Variants in MAML2 observed in about 807,000 individuals in gnomAD.
MAML2 encodes mastermind-like protein 2.
In MAML2, 22 loss-of-function variants were observed where a neutral mutation model predicts 96.1. That is an observed-to-expected ratio of 0.23 (90% CI 0.16 to 0.33). The LOEUF is 0.33. MAML2 is among the 10% of genes least tolerant of loss of function. The pLI is 1.00. For synonymous variants in MAML2, 561 were observed against 521.3 expected (o/e 1.08, Z -1.04); for missense variants, 1,367 against 1,392.4 (o/e 0.98, Z 0.29).
chr11:96,242,940 A>G (rs1862456753), intron 1 of MAML2, among the ~76,000 whole-genome samples: 3 of 152,186 alleles, frequency 2.0e-5, no homozygotes, highest in South Asian at 4.1e-4. Flanking sequence ...CATTACTGGC[A>G]GGAAACTTTA....
At chr11:96,319,590 T>C (rs1429408628) in intron 1 of MAML2, among the ~76,000 whole-genome samples, 1 of 152,208 alleles carries the variant, frequency 6.6e-6, no homozygotes, top group Admixed American at 6.5e-5. Context: ...GATATATTTT[T>C]ATGTCTTGCT....
chr11:96,011,383 A>T (rs893817267), intron 2 of MAML2, among the ~76,000 whole-genome samples: 5 of 152,262 alleles, frequency 3.3e-5, no homozygotes, highest in African/African-American at 1.2e-4. Flanking sequence ...AATACTACAT[A>T]GCCATAAAAA....
rs376640313 is a variant in MAML2 at position 96,030,447 on chromosome 11, A to G, written c.2140-38724T>C. 9.2e-5 allele frequency among the ~76,000 whole-genome samples: 14 copies of G among 152,308 alleles called. No individual in the cohort carries two copies. The East Asian group carries it at 1.9e-3, about 21-fold the overall frequency. ...GGAGTCCAGAAACAGACTCACAAAT[A>G]TAAGGAAAATTGTTATATAAGAATA... On this transcript the variant is annotated intron_variant, in intron 2 of 4. Transcript: ENST00000524717.
At chr11:96,274,626 TATTA>T (rs72300732) in intron 1 of MAML2, among the ~76,000 whole-genome samples, 28,967 of 152,060 alleles carry the variant, frequency 0.19, 3,073 homozygotes, top group East Asian at 0.4. Flanking sequence ...TAGTTAAACC[TATTA>T]ATTAATTAAA....
At chr11:96,171,020 CTT>C (rs879407774) in intron 1 of MAML2, among the ~76,000 whole-genome samples, 4 of 146,570 alleles carry the variant, frequency 2.7e-5, no homozygotes, top group Non-Finnish European at 6.1e-5. Context: ...CTGGCCTCTA[CTT>C]TTTTTTTTTT....
chr11:96,071,641 G>C (rs1859345733), intron 2 of MAML2, among the ~76,000 whole-genome samples: 1 of 152,244 alleles, frequency 6.6e-6, no homozygotes, highest in Admixed American at 6.5e-5. Flanking sequence ...TAACCTGTGA[G>C]AATCTGGTCT....
rs565166811 is a variant in MAML2 at position 96,155,271 on chromosome 11, C to T, written c.514-61754G>A. Among the ~76,000 whole-genome samples the T allele has an allele frequency of 5.9e-5, 9 of 151,784 alleles. No homozygotes were observed. The South Asian group carries it at 1.9e-3, about 32-fold the overall frequency. ...AGAAAGGATAGTATCCAAGCTGGGC[C>T]AGAAAGGGTGAAGAGAATGCATCAG... On this transcript the variant is annotated intron_variant, in intron 1 of 4. Coordinates refer to ENST00000524717, the MANE Select transcript of MAML2 (RefSeq NM_032427.4).
At chr11:96,053,189 G>A (rs1042602921) in intron 2 of MAML2, among the ~76,000 whole-genome samples, 2 of 152,158 alleles carry the variant, frequency 1.3e-5, no homozygotes, top group African/African-American at 4.8e-5. Flanking sequence ...TTAGAAAAAG[G>A]AATATTGATT....
At chr11:96,197,555 C>T (rs1312123973) in intron 1 of MAML2, among the ~76,000 whole-genome samples, 2 of 152,152 alleles carry the variant, frequency 1.3e-5, no homozygotes, top group African/African-American at 2.4e-5. Context: ...TCTCATTTCT[C>T]GTATCTTTAT....
At chr11:96,149,506 T>A (rs1225797835) in intron 1 of MAML2, among the ~76,000 whole-genome samples, 2 of 149,898 alleles carry the variant, frequency 1.3e-5, no homozygotes, top group Non-Finnish European at 3.0e-5. Flanking sequence ...CCGAGGCAGA[T>A]GGATCATTTG....
At chr11:96,298,937 C>T (rs1233238213) in intron 1 of MAML2, among the ~76,000 whole-genome samples, 5 of 144,542 alleles carry the variant, frequency 3.5e-5, no homozygotes, top group South Asian at 2.2e-4. Context: ...CCCAGCTACT[C>T]GGGAGGCTGA....
chr11:96,281,536 A>G (rs1863065276), intron 1 of MAML2, among the ~76,000 whole-genome samples: 2 of 152,012 alleles, frequency 1.3e-5, no homozygotes, highest in Admixed American at 1.3e-4. Context: ...GAAAAGGAAT[A>G]ATAGTTTTTT....
chr11:96,305,254 C>G (rs1863447919), intron 1 of MAML2, among the ~76,000 whole-genome samples: 1 of 152,110 alleles, frequency 6.6e-6, no homozygotes, highest in Admixed American at 6.6e-5. Context: ...CAGTAAAATA[C>G]TCTATGATAA....
Position 96,214,180 on chromosome 11 carries a change from G to C in MAML2, c.514-120663C>G, listed in dbSNP as rs112025965. Among the ~76,000 whole-genome samples, 947 of 152,294 alleles carry C rather than the reference G, an allele frequency of 6.2e-3. 11 individuals are homozygous for C. The highest frequency in any genetic ancestry group is 0.021 in the African/African-American group (856 of 41,568). The stretch of plus-strand genomic sequence containing the variant: ...TAATATATGTGCAGTTTTAACAGTT[G>C]AATAATAAAAAATGAATACTTCCTT... On this transcript the variant is annotated intron_variant, in intron 1 of 4. Coordinates refer to ENST00000524717, the MANE Select transcript of MAML2 (RefSeq NM_032427.4).
At chr11:96,014,005 C>T (rs935277991) in intron 2 of MAML2, among the ~76,000 whole-genome samples, 3 of 152,074 alleles carry the variant, frequency 2.0e-5, no homozygotes, top group South Asian at 2.1e-4. Flanking sequence ...TAACACATGC[C>T]CACTGGGGCT....
chr11:96,061,496 C>T (rs946461919), intron 2 of MAML2, among the ~76,000 whole-genome samples: 14 of 152,230 alleles, frequency 9.2e-5, no homozygotes, highest in Admixed American at 2.0e-4. Flanking sequence ...AAGATAAATA[C>T]GGTTCCCTGT....
chr11:96,220,454 T>C (rs982253574), intron 1 of MAML2, among the ~76,000 whole-genome samples: 3 of 152,182 alleles, frequency 2.0e-5, no homozygotes, highest in African/African-American at 7.2e-5. Flanking sequence ...TTACTCTTTA[T>C]TGACTATTTG....
intron 2 of MAML2, among the ~76,000 whole-genome samples, chr11:96,083,758 GT>G (rs1385181335): frequency 6.6e-6 from 1 of 152,166 alleles, no homozygotes; most frequent in East Asian, 1.9e-4. Context: ...TGTGTTAGGG[GT>G]TGGAATACAG....
chr11:96,196,306 G>T (rs1375868349), intron 1 of MAML2, among the ~76,000 whole-genome samples: 2 of 152,050 alleles, frequency 1.3e-5, no homozygotes, highest in Non-Finnish European at 2.9e-5. Context: ...TTTAGGAAAG[G>T]TTTGTCATTT....
Sources: gnomAD v4.1 joint callset for allele counts (sites outside exome capture counted in the v4.1 genomes callset) on GRCh38, gnomAD v4.1.1 for gene constraint, MANE v1.5 for transcripts, NCBI Gene and HGNC (gene_info 2026-07-23, HGNC 2026-07-21) for gene names.